The following MN1 variants were observed in gnomAD, a reference collection of about 807,000 sequenced individuals.
The protein encoded by MN1 is transcriptional activator MN1.
MN1 carries 19 observed loss-of-function variants against 86.9 expected under a neutral mutation model. The ratio of observed to expected loss-of-function variants is 0.22; its 90% CI spans 0.15 to 0.32. The LOEUF (loss-of-function observed/expected upper bound fraction) is 0.32. MN1 is among the 10% of genes least tolerant of loss of function. MN1 has a pLI of 1.00. For synonymous variants in MN1, 928 were observed against 849.6 expected (o/e 1.09, Z -1.60); for missense variants, 1,841 against 1,862.0 (o/e 0.99, Z 0.21).
At position 27,798,789 on chromosome 22, in the gene MN1, G is replaced by A. The variant is rs1304151465; in HGVS notation, c.1755C>T (p.Gly585=). The A allele has an allele frequency of 5.2e-6, 8 of 1,535,464 alleles. No individual in the cohort carries two copies. The Admixed American group carries it at 5.9e-5, about 11-fold the overall frequency. The change falls in exon 1 of 2, where the codon GGC becomes GGT. Residue 585 remains glycine (G), a synonymous_variant. Transcript: ENST00000302326. ...GGCCGCCATGCACCAGGCCGCCCTG[G>A]CCCACGTCCCCGGGGTGGCCTAGCT... ...LAQLGHPGDV[G]QGGLVHGGPV... is the part of the protein sequence containing the mutation.
Position 27,798,227 on chromosome 22 carries a change from C to A in MN1, c.2317G>T (p.Gly773Cys). 1 of 1,517,266 alleles carries A rather than the reference C, an allele frequency of 6.6e-7. No individual in the cohort carries two copies. 94.0% of individuals were successfully genotyped at this position (1,517,266 alleles called of 1,614,324 possible). ...CCACCGCCGCCACCAGAGCTGCCAC[C>A]GCCCCCTCCCGCGCTGGGGGGCGAG... ...VNSPPSAGGG[G>C]GSSGGGGGGG... The change falls in exon 1 of 2, where the codon GGT (glycine) becomes TGT (cysteine). Residue 773 changes from glycine (G) to cysteine (C), a missense_variant. Gly to Cys is a radical substitution (Grantham distance 159, BLOSUM62 -3). Transcript: ENST00000302326.
At chr22:27,759,084 T>C (rs1264519490) in intron 1 of MN1, among the ~76,000 whole-genome samples, 1 of 152,110 alleles carries the variant, frequency 6.6e-6, no homozygotes, top group African/African-American at 2.4e-5. Context: ...TGCCTTGGCC[T>C]CCCAAAGTGT....
At position 27,798,966 on chromosome 22, in the gene MN1, C is replaced by T. The variant is rs1206988507; in HGVS notation, c.1578G>A (p.Gln526=). 2 of 1,599,708 alleles carry T rather than the reference C, an allele frequency of 1.3e-6. No homozygotes were observed. Among genetic ancestry groups the T allele is most frequent in the Admixed American group, 1.7e-5 (1 of 57,956 alleles). ...GCTGTTGCTGCTGCTGCTGCTGCTG[C>T]TGCTGCTGTTGCAGGGACTGGTGGT... ...APDHQSLQQQ[Q]QQQQQQQQQQ... is the part of the protein sequence containing the mutation. The change falls in exon 1 of 2, where the codon CAG becomes CAA. Residue 526 remains glutamine (Q), a synonymous_variant. Transcript: ENST00000302326.
At chr22:27,793,913 A>C (rs1360948643) in intron 1 of MN1, among the ~76,000 whole-genome samples, 2 of 152,184 alleles carry the variant, frequency 1.3e-5, no homozygotes, top group African/African-American at 4.8e-5. Context: ...TTAATATTTA[A>C]TCACATTAGT....
At chr22:27,761,210 GCTCT>G (rs1055363026) in intron 1 of MN1, among the ~76,000 whole-genome samples, 12 of 149,644 alleles carry the variant, frequency 8.0e-5, no homozygotes, top group African/African-American at 1.2e-4. Flanking sequence ...TCTCGTTCTC[GCTCT>G]CTCTCTTTCT....
At position 27,797,365 on chromosome 22, in the gene MN1, G is replaced by A. The variant is rs1933318206; in HGVS notation, c.3179C>T (p.Ser1060Leu). 11 of 1,610,168 alleles carry A rather than the reference G, an allele frequency of 6.8e-6. No homozygotes were observed. The highest frequency in any genetic ancestry group is 9.3e-6 in the Non-Finnish European group (11 of 1,179,930). Residue 1060 changes from serine to leucine, a missense_variant, in exon 1 of 2, where the codon TCG becomes TTG. Physicochemically the swap from Ser to Leu is moderately radical, Grantham distance 145. Coordinates refer to ENST00000302326, the MANE Select transcript of MN1 (RefSeq NM_002430.3). ...TGCCTGGGGGTTGTCAGAGCTGGAC[G>A]ACACCTCGTCCTCATTGGCGTAGCT... The part of the protein sequence containing the change: ...STSYANEDEV[S>L]SSSDNPQALV...
chr22:27,796,098 T>C (rs1320476678), intron 1 of MN1, among the ~76,000 whole-genome samples: 1 of 143,048 alleles, frequency 7.0e-6, no homozygotes, highest in African/African-American at 2.6e-5. Context: ...GGATGCGCCC[T>C]GAAAAGGTTC....
At chr22:27,756,984 T>C (rs1932805980) in intron 1 of MN1, among the ~76,000 whole-genome samples, 1 of 152,122 alleles carries the variant, frequency 6.6e-6, no homozygotes, top group Admixed American at 6.5e-5. Flanking sequence ...TAGTCTTGTA[T>C]TCCTGGGTTC....
intron 1 of MN1, among the ~76,000 whole-genome samples, chr22:27,753,509 AG>A (rs1362095668): frequency 2.0e-5 from 3 of 152,014 alleles, no homozygotes; most frequent in East Asian, 1.9e-4. Flanking sequence ...GTCGGGGGTG[AG>A]GGGGGCTTTG....
intron 1 of MN1, among the ~76,000 whole-genome samples, chr22:27,777,186 G>A (rs757755316): frequency 4.6e-5 from 7 of 152,144 alleles, no homozygotes; most frequent in African/African-American, 7.2e-5. Flanking sequence ...TGAAACCTCC[G>A]GTCAAATGGG....
chr22:27,752,682 C>G (rs1932776068), intron 1 of MN1, among the ~76,000 whole-genome samples: 1 of 152,216 alleles, frequency 6.6e-6, no homozygotes, highest in African/African-American at 2.4e-5. Flanking sequence ...TCTCATTATT[C>G]TCATTTCCTA....
At chr22:27,770,585 A>G (rs1249322556) in intron 1 of MN1, among the ~76,000 whole-genome samples, 1 of 152,254 alleles carries the variant, frequency 6.6e-6, no homozygotes, top group Non-Finnish European at 1.5e-5. Context: ...CGAAGAGTTT[A>G]CAGATACAAG....
At position 27,798,269 on chromosome 22, in the gene MN1, T is replaced by C; in HGVS notation, c.2275A>G (p.Ser759Gly). The change falls in exon 1 of 2, where the codon AGC becomes GGC. Residue 759 changes from serine to glycine, a missense_variant. Physicochemically the swap from Ser to Gly is moderately conservative, Grantham distance 56. Transcript: ENST00000302326. ...GAAGRQSTPH[S>G]GPGVNSPPSA... is the part of the protein sequence containing the mutation. Reference sequence around the variant, plus strand: ...GGGGGCGAGTTCACGCCTGGACCGCTGTGCGGCGTGGACTGCCGGCCGGCT... The same window carrying C: ...GGGGGCGAGTTCACGCCTGGACCGCCGTGCGGCGTGGACTGCCGGCCGGCT... 6.5e-7 allele frequency: 1 copy of C among 1,527,694 alleles called. No individual in the cohort carries two copies. Among genetic ancestry groups the C allele is most frequent in the Non-Finnish European group, 8.7e-7 (1 of 1,148,196 alleles). 94.6% of individuals were successfully genotyped at this position (1,527,694 alleles called of 1,614,324 possible).
intron 1 of MN1, among the ~76,000 whole-genome samples, chr22:27,771,547 GA>G (rs35472458): frequency 2.0e-5 from 3 of 151,746 alleles, no homozygotes; most frequent in African/African-American, 4.8e-5. Context: ...TTTAATGGTT[GA>G]AAAAAAGTCA....
chr22:27,766,031 A>C (rs1932867202), intron 1 of MN1, among the ~76,000 whole-genome samples: 1 of 152,126 alleles, frequency 6.6e-6, no homozygotes, highest in South Asian at 2.1e-4. Context: ...TGCCGCAAAC[A>C]ACCCCCAACT....
chr22:27,753,460 C>T (rs6005608), intron 1 of MN1, among the ~76,000 whole-genome samples: 69 of 152,244 alleles, frequency 4.5e-4, no homozygotes, highest in African/African-American at 1.6e-3. Context: ...GACAGTCCCC[C>T]AAACAGTGCT....
At chr22:27,789,966 T>C (rs1389430133) in intron 1 of MN1, among the ~76,000 whole-genome samples, 2 of 152,206 alleles carry the variant, frequency 1.3e-5, no homozygotes, top group African/African-American at 4.8e-5. Context: ...TATGGTCTTG[T>C]CAGGCCCAAA....
At chr22:27,775,984 T>C (rs1196687655) in intron 1 of MN1, among the ~76,000 whole-genome samples, 1 of 152,150 alleles carries the variant, frequency 6.6e-6, no homozygotes, top group Non-Finnish European at 1.5e-5. Context: ...ACAAACAAGT[T>C]GGGCAGAAGG....
In MN1 at chr22:27,799,466, G is replaced by A; in HGVS notation, c.1078C>T (p.Gln360Ter). ...AGAAGCCCGGGTGGCGGCGGCGGCT[G>A]CTGCTGTGGCGGCTGCTGCGGGGGC... Reference protein sequence around the residue: ...QQPPQQPPQQQPPPPPGLLVR... With the variant: ...QQPPQQPPQQ The change falls in exon 1 of 2, where the codon CAG becomes TAG. Residue 360 changes from glutamine to a stop codon, truncating the protein, a stop_gained. Coordinates refer to ENST00000302326, the MANE Select transcript of MN1 (RefSeq NM_002430.3). LOFTEE classifies it high-confidence loss of function. The A allele has an allele frequency of 6.9e-7, 1 of 1,455,394 alleles. No homozygotes were observed. Among genetic ancestry groups the A allele is most frequent in the Non-Finnish European group, 9.0e-7 (1 of 1,105,302 alleles). The allele number at this position is 1,455,394 out of a possible 1,614,324, so 90.2% of individuals were successfully genotyped here.
Sources: gnomAD v4.1 joint callset for allele counts (sites outside exome capture counted in the v4.1 genomes callset) on GRCh38, gnomAD v4.1.1 for gene constraint, MANE v1.5 for transcripts, NCBI Gene and HGNC (gene_info 2026-07-23, HGNC 2026-07-21) for gene names.